Variants in ARL5A observed in about 807,000 individuals in gnomAD.
The protein encoded by ARL5A is ARF like GTPase 5A, also known as ADP-ribosylation factor-like protein 5A.
ARL5A carries 18 observed loss-of-function variants against 25.9 expected under a neutral mutation model. That is an observed-to-expected ratio of 0.69 (90% CI 0.48 to 1.03). ARL5A has a LOEUF of 1.03. Ranked by LOEUF, ARL5A falls within the 50% of genes least tolerant of loss-of-function variation. ARL5A has a pLI of 0.00. For synonymous variants in ARL5A, 61 were observed against 67.5 expected (o/e 0.90, Z 0.47); for missense variants, 170 against 211.9 (o/e 0.80, Z 1.23).
intron 5 of ARL5A, among the ~76,000 whole-genome samples, chr2:151,805,095 T>C (rs562541579): frequency 9.4e-4 from 143 of 152,318 alleles, no homozygotes; most frequent in African/African-American, 3.1e-3. Context: ...ACAAATATTA[T>C]AAATCCATGC....
At chr2:151,822,684 C>G (rs939926955) in intron 1 of ARL5A, among the ~76,000 whole-genome samples, 3 of 152,158 alleles carry the variant, frequency 2.0e-5, no homozygotes, top group African/African-American at 7.2e-5. Context: ...CTTTGATGCA[C>G]AAGAATCATC....
rs775994809 is a variant in ARL5A, at chr2:151,800,636, C to A, written c.*2640G>T. 1.3e-5 allele frequency: 2 copies of A among 152,248 alleles called. No homozygotes were observed. The highest frequency in any genetic ancestry group is 3.9e-4 in the East Asian group (2 of 5,186). The allele number at this position is 152,248 out of a possible 1,614,324, so 9.4% of individuals were successfully genotyped here. A position where few individuals can be genotyped will look rare whatever the true frequency, so the allele number is the denominator to read the frequency against. ...TGCCCATTATGAGGACCAAGAGGTA[C>A]TGGGAAGATAAAGAGAACTGAAAAT... On this transcript the variant is annotated 3_prime_UTR_variant, in exon 6 of 6. Transcript: ENST00000295087.
chr2:151,808,323 G>C (rs950332920), intron 4 of ARL5A, among the ~76,000 whole-genome samples: 5 of 152,164 alleles, frequency 3.3e-5, no homozygotes, highest in African/African-American at 1.2e-4. Flanking sequence ...TTTCAATAAT[G>C]TATGTGTTTG....
intron 4 of ARL5A, among the ~76,000 whole-genome samples, chr2:151,808,634 C>T (rs2099830419): frequency 6.6e-6 from 1 of 152,232 alleles, no homozygotes; most frequent in Non-Finnish European, 1.5e-5. Context: ...ACCTATATTT[C>T]AGTTCACCTG....
At position 151,800,167 on chromosome 2, in the gene ARL5A, AGTT is replaced by A. The variant is rs1196077084; in HGVS notation, c.*3106_*3108del. On this transcript the variant is annotated 3_prime_UTR_variant, in exon 6 of 6. Transcript: ENST00000295087. ...AAAATGCCTCCAGAGAAAACTAGAA[AGTT>A]GTCTATAGATTTTCTATTTACACTA... 16 of 152,180 alleles carry A rather than the reference AGTT, an allele frequency of 1.1e-4. No individual in the cohort carries two copies. Among genetic ancestry groups the A allele is most frequent in the African/African-American group, 3.9e-4 (16 of 41,420 alleles). 9.4% of individuals were successfully genotyped at this position (152,180 alleles called of 1,614,324 possible). A position where few individuals can be genotyped will look rare whatever the true frequency, so the allele number is the denominator to read the frequency against.
At chr2:151,819,024 G>A (rs1233061216) in intron 1 of ARL5A, among the ~76,000 whole-genome samples, 1 of 151,924 alleles carries the variant, frequency 6.6e-6, no homozygotes, top group Non-Finnish European at 1.5e-5. Flanking sequence ...TCTGACCAAT[G>A]AAATACCAGA....
At chr2:151,817,735 C>T (rs894212705) in intron 1 of ARL5A, among the ~76,000 whole-genome samples, 3 of 152,224 alleles carry the variant, frequency 2.0e-5, no homozygotes, top group Non-Finnish European at 4.4e-5. Flanking sequence ...GGTGTGGTGG[C>T]TCATGCCTAT....
In ARL5A at chr2:151,812,401, T is replaced by G; in HGVS notation, c.295A>C (p.Ile99Leu). 1 of 1,606,554 alleles carries G rather than the reference T, an allele frequency of 6.2e-7. No homozygotes were observed. The highest frequency in any genetic ancestry group is 8.5e-7 in the Non-Finnish European group (1 of 1,177,748). The change falls in exon 4 of 6, where the codon ATT becomes CTT. Residue 99 changes from isoleucine (I) to leucine (L), a missense_variant. Coordinates refer to ENST00000295087, the MANE Select transcript of ARL5A (RefSeq NM_012097.4). ...VVVDSTDRER[I>L]SVTREELYKM... ...TAGAGTTCTTCTCTAGTTACAGAAA[T>G]CCTCTCTCTGTCTGTACTGTCCACA...
chr2:151,814,360 A>T, intron 2 of ARL5A, 44 bp from the exon 3 acceptor site: 1 of 1,405,138 alleles, frequency 7.1e-7, no homozygotes, highest in African/African-American at 1.5e-5. Context: ...CAAGGAAGCT[A>T]ACTTGCTTGA....
At chr2:151,824,160 T>C (rs1036587942) in intron 1 of ARL5A, among the ~76,000 whole-genome samples, 6 of 152,254 alleles carry the variant, frequency 3.9e-5, no homozygotes, top group Non-Finnish European at 5.9e-5. Context: ...ATTCTGTTTT[T>C]CACTTTCAGT....
chr2:151,819,185 CG>C (rs1050336701), intron 1 of ARL5A, among the ~76,000 whole-genome samples: 1 of 152,078 alleles, frequency 6.6e-6, no homozygotes, highest in African/African-American at 2.4e-5. Flanking sequence ...ACAGAGACAA[CG>C]AAGTAAAAAA....
intron 5 of ARL5A, among the ~76,000 whole-genome samples, chr2:151,805,664 G>T (rs893498933): frequency 6.6e-6 from 1 of 152,068 alleles, no homozygotes; most frequent in African/African-American, 2.4e-5. Context: ...CACCTATACA[G>T]CATGTTACTG....
At chr2:151,807,960 T>TA (rs2099830304) in intron 4 of ARL5A, among the ~76,000 whole-genome samples, 1 of 152,168 alleles carries the variant, frequency 6.6e-6, no homozygotes, top group South Asian at 2.1e-4. Context: ...CAAAAGTTCT[T>TA]AGTCTCTTCC....
At chr2:151,803,782 A>G (rs890996202) in intron 5 of ARL5A, among the ~76,000 whole-genome samples, 3 of 152,252 alleles carry the variant, frequency 2.0e-5, no homozygotes, top group African/African-American at 7.2e-5. Context: ...AAAGCAACAT[A>G]TGTCAAAAAT....
At chr2:151,814,007 T>C (rs951701861) in intron 3 of ARL5A, among the ~76,000 whole-genome samples, 162 bp downstream of exon 3, 5 of 152,178 alleles carry the variant, frequency 3.3e-5, no homozygotes, top group African/African-American at 1.2e-4. Context: ...AGTGGACATA[T>C]TGAACAATGA....
chr2:151,826,355 C>T (rs770511957), intron 1 of ARL5A, among the ~76,000 whole-genome samples: 2 of 152,162 alleles, frequency 1.3e-5, no homozygotes, highest in South Asian at 2.1e-4. Context: ...CCACAAAATA[C>T]AGGTTATAAA....
intron 5 of ARL5A, among the ~76,000 whole-genome samples, chr2:151,804,023 T>C (rs2099829771): frequency 6.6e-6 from 1 of 152,284 alleles, no homozygotes; most frequent in South Asian, 2.1e-4. Flanking sequence ...CTTTAAAAAA[T>C]GATTTCATAA....
intron 1 of ARL5A, among the ~76,000 whole-genome samples, chr2:151,821,785 TTTTC>T (rs1389845688): frequency 1.1e-4 from 11 of 95,896 alleles, no homozygotes; most frequent in African/African-American, 4.5e-4. Context: ...CTTTTTTTTT[TTTTC>T]TTTTTTTTTT....
chr2:151,810,209 A>G (rs1194277982), intron 4 of ARL5A, among the ~76,000 whole-genome samples: 2 of 152,256 alleles, frequency 1.3e-5, no homozygotes, highest in Non-Finnish European at 2.9e-5. Flanking sequence ...CTAAAGTTGT[A>G]TACTTCATTT....
Sources: allele counts gnomAD v4.1 joint callset (sites outside exome capture counted in the v4.1 genomes callset), GRCh38; gene constraint gnomAD v4.1.1; transcripts MANE v1.5; gene names NCBI Gene and HGNC (gene_info 2026-07-23, HGNC 2026-07-21).